Variants in DPF3 observed in about 807,000 individuals in gnomAD.
DPF3 encodes the protein zinc finger protein DPF3.
In DPF3, 18 loss-of-function variants were observed where a neutral mutation model predicts 56.8. The ratio of observed to expected loss-of-function variants is 0.32; its 90% CI spans 0.22 to 0.47. The LOEUF (loss-of-function observed/expected upper bound fraction) is 0.47. Among genes scored for constraint, DPF3 ranks in the 20% least tolerant of loss-of-function variants. The pLI is 1.00. For missense variants in DPF3, 403 were observed against 488.8 expected (o/e 0.82, Z 1.65); for synonymous variants, 188 against 180.2 (o/e 1.04, Z -0.35).
chr14:72,770,456 T>G (rs1266394002), intron 2 of DPF3, among the ~76,000 whole-genome samples: 1 of 152,254 alleles, frequency 6.6e-6, no homozygotes, highest in Non-Finnish European at 1.5e-5. Flanking sequence ...GCCAAATATT[T>G]GATGATATTA....
chr14:72,785,401 G>T (rs1892169440), intron 1 of DPF3, among the ~76,000 whole-genome samples: 1 of 152,128 alleles, frequency 6.6e-6, no homozygotes, highest in South Asian at 2.1e-4. Context: ...AGAGTCTTAC[G>T]TGATTTGCTA....
intron 3 of DPF3, among the ~76,000 whole-genome samples, chr14:72,746,109 C>T (rs550222895): frequency 6.6e-6 from 1 of 152,358 alleles, no homozygotes; most frequent in South Asian, 2.1e-4. Flanking sequence ...CCAGGGGGCA[C>T]CACCCTCCAC....
intron 6 of DPF3, among the ~76,000 whole-genome samples, chr14:72,712,955 G>C (rs1042577094): frequency 6.6e-6 from 1 of 152,270 alleles, no homozygotes; most frequent in African/African-American, 2.4e-5. Context: ...TGGCATTCTT[G>C]ATAGATGTGC....
At chr14:72,823,693 G>A (rs1449449444) in intron 1 of DPF3, among the ~76,000 whole-genome samples, 2 of 152,178 alleles carry the variant, frequency 1.3e-5, no homozygotes, top group East Asian at 1.9e-4. Flanking sequence ...CAGTTACCTT[G>A]AGAACAAGGA....
chr14:72,694,376 C>T (rs1887823857), intron 6 of DPF3, among the ~76,000 whole-genome samples: 1 of 152,228 alleles, frequency 6.6e-6, no homozygotes, highest in South Asian at 2.1e-4. Context: ...CTTGTGCTGA[C>T]ATGACCACGT....
At chr14:72,652,214 G>A (rs1012231490) in intron 8 of DPF3, among the ~76,000 whole-genome samples, 2 of 152,324 alleles carry the variant, frequency 1.3e-5, no homozygotes, top group African/African-American at 4.8e-5. Flanking sequence ...CAAAGGTAAA[G>A]CCTATGGGGA....
At chr14:72,862,186 C>A (rs1250165657) in intron 1 of DPF3, among the ~76,000 whole-genome samples, 1 of 152,170 alleles carries the variant, frequency 6.6e-6, no homozygotes, top group East Asian at 1.9e-4. Flanking sequence ...CCCAGTGAGG[C>A]CCACTGGACA....
chr14:72,725,996 T>C (rs1316293054), intron 4 of DPF3, among the ~76,000 whole-genome samples: 1 of 152,216 alleles, frequency 6.6e-6, no homozygotes, highest in African/African-American at 2.4e-5. Context: ...AGAAGAAGCA[T>C]TGTCTGCTGG....
rs142843735 is a variant in DPF3 at position 72,727,397 on chromosome 14, G to A, written c.430-3669C>T. Among the ~76,000 whole-genome samples, 593 of 152,210 alleles carry A rather than the reference G, an allele frequency of 3.9e-3. 2 individuals carry two copies. The highest frequency in any genetic ancestry group is 0.014 in the African/African-American group (561 of 41,532). Reference sequence around the variant, plus strand: ...TCGAGACGAGCCTGGCCAATGTGGTGAAACCCCGTTTCTACTAAAAACACA... The same window carrying A: ...TCGAGACGAGCCTGGCCAATGTGGTAAAACCCCGTTTCTACTAAAAACACA... On this transcript the variant is annotated intron_variant, in intron 4 of 10. Transcript: ENST00000556509.
intron 5 of DPF3, among the ~76,000 whole-genome samples, chr14:72,717,263 G>A (rs931447498): frequency 6.6e-6 from 1 of 152,204 alleles, no homozygotes; most frequent in Non-Finnish European, 1.5e-5. Context: ...ATAGACACAG[G>A]TTGAAACACC....
rs111605445 is a variant in DPF3 at position 72,756,300 on chromosome 14, C to T, written c.194-2929G>A. On this transcript the variant is annotated intron_variant, in intron 2 of 10. Transcript: ENST00000556509. ...CAAATGTGATGCACAAAGACACACA[C>T]ACACAATCAAAAACTCACACACTTG... Among the ~76,000 whole-genome samples the T allele has an allele frequency of 3.1e-3, 467 of 152,328 alleles. 4 individuals are homozygous for T. Among genetic ancestry groups the T allele is most frequent in the African/African-American group, 0.011 (453 of 41,570 alleles).
intron 3 of DPF3, among the ~76,000 whole-genome samples, chr14:72,739,933 C>A (rs1890058490): frequency 6.6e-6 from 1 of 152,088 alleles, no homozygotes; most frequent in Non-Finnish European, 1.5e-5. Context: ...ACAAGTGAAA[C>A]CTTCAGTGTG....
chr14:72,663,369 A>C lies in DPF3; in HGVS notation c.871+10871T>G, dbSNP rs1599336189. On this transcript the variant is annotated intron_variant, in intron 8 of 10. Transcript: ENST00000556509. The stretch of plus-strand genomic sequence containing the variant: ...TCATTTGGCCTAAGCCCAAAAGGAC[A>C]CTGCTTCCTTCACAAGCACTCACAC... Among the ~76,000 whole-genome samples the C allele has an allele frequency of 3.9e-5, 6 of 152,254 alleles. 1 individual carries two copies. The highest frequency in any genetic ancestry group is 2.1e-4 in the South Asian group (1 of 4,818).
intron 8 of DPF3, among the ~76,000 whole-genome samples, chr14:72,632,104 G>A (rs1490879460): frequency 1.3e-5 from 2 of 152,196 alleles, no homozygotes; most frequent in African/African-American, 4.8e-5. Flanking sequence ...AGGATTACAG[G>A]CATTTGCAGC....
rs140559968 is a variant in DPF3, at chr14:72,615,668, C to T, written c.*3629G>A. ...GCTGGGCTCAGCCTGCCCAGGCTTC[C>T]GGCTTCCTACCTCGCCCTGGGGCAG... is the stretch of plus-strand genomic sequence containing the variant. On this transcript the variant is annotated 3_prime_UTR_variant, in exon 11 of 11. Transcript: ENST00000556509. Among the ~76,000 whole-genome samples, 489 of 152,320 alleles carry T rather than the reference C, an allele frequency of 3.2e-3. 3 individuals carry two copies. The highest frequency in any genetic ancestry group is 0.011 in the African/African-American group (466 of 41,574).
At chr14:72,654,850 A>G (rs1489355187) in intron 8 of DPF3, among the ~76,000 whole-genome samples, 1 of 152,198 alleles carries the variant, frequency 6.6e-6, no homozygotes, top group Non-Finnish European at 1.5e-5. Context: ...TATAAAGAAA[A>G]CCAGTAACTG....
chr14:72,612,589 G>C lies in DPF3; in HGVS notation c.*6708C>G, dbSNP rs1302211260. 2.1e-6 allele frequency: 1 copy of C among 485,780 alleles called. No individual in the cohort carries two copies. The highest frequency in any genetic ancestry group is 2.2e-5 in the Admixed American group (1 of 45,926). The allele number at this position is 485,780 out of a possible 1,614,324, so 30.1% of individuals were successfully genotyped here. A position where few individuals can be genotyped will look rare whatever the true frequency, so the allele number is the denominator to read the frequency against. ...CACGGCAGAGGGAAGGGAGGAAACA[G>C]TGCAGGGAAGGGAGAGGGCAGGAGG... On this transcript the variant is annotated 3_prime_UTR_variant, in exon 11 of 11. Coordinates refer to ENST00000556509, the MANE Select transcript of DPF3 (RefSeq NM_001280542.3).
chr14:72,612,583 G>A lies in DPF3; in HGVS notation c.*6714C>T, dbSNP rs371519106. 5 of 518,302 alleles carry A rather than the reference G, an allele frequency of 9.6e-6. No individual in the cohort carries two copies. The highest frequency in any genetic ancestry group is 1.9e-5 in the Non-Finnish European group (5 of 259,742). 32.1% of individuals were successfully genotyped at this position (518,302 alleles called of 1,614,324 possible). A position where few individuals can be genotyped will look rare whatever the true frequency, so the allele number is the denominator to read the frequency against. ...ATCTATCACGGCAGAGGGAAGGGAG[G>A]AAACAGTGCAGGGAAGGGAGAGGGC... On this transcript the variant is annotated 3_prime_UTR_variant, in exon 11 of 11. Coordinates refer to ENST00000556509, the MANE Select transcript of DPF3 (RefSeq NM_001280542.3).
At chr14:72,874,705 T>C (rs1202140319) in intron 1 of DPF3, among the ~76,000 whole-genome samples, 1 of 152,196 alleles carries the variant, frequency 6.6e-6, no homozygotes, top group African/African-American at 2.4e-5. Context: ...TCCATATCGC[T>C]ATTAGCATTT....
Sources: gnomAD v4.1 joint callset for allele counts (sites outside exome capture counted in the v4.1 genomes callset) on GRCh38, gnomAD v4.1.1 for gene constraint, MANE v1.5 for transcripts, NCBI Gene and HGNC (gene_info 2026-07-23, HGNC 2026-07-21) for gene names.